NBEA: variants seen among roughly 807,000 people sequenced by gnomAD.
The protein encoded by NBEA is lysosomal-trafficking regulator 2.
A neutral mutation model predicts 343.4 loss-of-function variants in NBEA; 44 were observed. That is an observed-to-expected ratio of 0.13 (90% CI 0.10 to 0.16). The LOEUF is 0.16. Ranked by LOEUF, NBEA falls within the 10% of genes least tolerant of loss-of-function variation. NBEA has a pLI of 1.00. For synonymous variants in NBEA, 1,175 were observed against 1,238.7 expected (o/e 0.95, Z 1.08); for missense variants, 2,555 against 3,631.3 (o/e 0.70, Z 7.62).
At chr13:35,583,829 T>C (rs888692531) in intron 45 of NBEA, 69 bp from the exon 46 acceptor site, 3 of 1,136,662 alleles carry the variant, frequency 2.6e-6, no homozygotes, top group African/African-American at 3.2e-5. Context: ...ATACTGAAAG[T>C]ATAAAGATTT....
intron 1 of NBEA, among the ~76,000 whole-genome samples, chr13:35,007,243 A>G (rs1469314180): frequency 6.6e-6 from 1 of 152,110 alleles, no homozygotes; most frequent in Admixed American, 6.5e-5. Context: ...AATTATAGGT[A>G]TGATAGCCCT....
chr13:35,660,400 T>C (rs1406119779), intron 55 of NBEA, among the ~76,000 whole-genome samples: 1 of 152,272 alleles, frequency 6.6e-6, no homozygotes, highest in Admixed American at 6.5e-5. Context: ...GTTCATCTTT[T>C]CAACTCAAAT....
At chr13:35,451,947 A>G in intron 39 of NBEA, 145 bp from the exon 40 acceptor site, 2 of 653,966 alleles carry the variant, frequency 3.1e-6, no homozygotes, top group Non-Finnish European at 5.2e-6. Flanking sequence ...ACCAAACAAG[A>G]TAAAGAAGGT....
intron 47 of NBEA, among the ~76,000 whole-genome samples, chr13:35,601,618 C>T (rs150362152): frequency 6.6e-6 from 1 of 151,720 alleles, no homozygotes; most frequent in Non-Finnish European, 1.5e-5. Context: ...AAAAATTAGC[C>T]AGGTGTGGTG....
chr13:35,433,541 T>C (rs2045249762), intron 39 of NBEA, among the ~76,000 whole-genome samples: 1 of 152,056 alleles, frequency 6.6e-6, no homozygotes, highest in African/African-American at 2.4e-5. Flanking sequence ...GTAAAGCTTT[T>C]AAAATTTCTT....
chr13:35,299,680 AG>A (rs2036400728), intron 35 of NBEA, among the ~76,000 whole-genome samples: 1 of 152,166 alleles, frequency 6.6e-6, no homozygotes, highest in Admixed American at 6.5e-5. Flanking sequence ...TGAAAATAAA[AG>A]GTTGTTCATT....
chr13:35,340,304 T>G (rs2039514904), intron 36 of NBEA, among the ~76,000 whole-genome samples: 1 of 152,070 alleles, frequency 6.6e-6, no homozygotes, highest in Non-Finnish European at 1.5e-5. Context: ...TAAAAAGGAA[T>G]GAAATTCTAA....
At chr13:35,307,197 AT>A (rs2036948719) in intron 35 of NBEA, among the ~76,000 whole-genome samples, 1 of 151,798 alleles carries the variant, frequency 6.6e-6, no homozygotes, top group Non-Finnish European at 1.5e-5. Flanking sequence ...AACATCTCTT[AT>A]TTTTTATTCC....
At chr13:35,109,878 TAAC>T (rs1301096911) in intron 12 of NBEA, among the ~76,000 whole-genome samples, 5 of 151,826 alleles carry the variant, frequency 3.3e-5, no homozygotes, top group South Asian at 2.1e-4. Flanking sequence ...TTCCAGATAA[TAAC>T]AGAAAATTCT....
chr13:35,639,546 G>C (rs1377503641), intron 49 of NBEA, among the ~76,000 whole-genome samples: 1 of 151,828 alleles, frequency 6.6e-6, no homozygotes, highest in African/African-American at 2.4e-5. Context: ...TTTTTATTTT[G>C]TGTCAAGCTT....
At chr13:35,662,123 AT>A (rs1293559116) in intron 55 of NBEA, among the ~76,000 whole-genome samples, 1 of 152,200 alleles carries the variant, frequency 6.6e-6, no homozygotes, top group African/African-American at 2.4e-5. Flanking sequence ...ATACTAGTAT[AT>A]TTTTTTATCA....
chr13:35,407,185 G>A (rs1250126436), intron 38 of NBEA, among the ~76,000 whole-genome samples: 1 of 151,030 alleles, frequency 6.6e-6, no homozygotes, highest in East Asian at 2.0e-4. Flanking sequence ...GGCTGGTCTC[G>A]AACTCCTGAC....
intron 1 of NBEA, among the ~76,000 whole-genome samples, chr13:34,983,292 C>T (rs557977310): frequency 8.5e-5 from 13 of 152,208 alleles, no homozygotes; most frequent in Non-Finnish European, 1.8e-4. Flanking sequence ...TCTGTCCTTG[C>T]GATAGTTTGC....
chr13:35,093,782 C>T (rs759347307), intron 10 of NBEA, among the ~76,000 whole-genome samples: 2 of 151,992 alleles, frequency 1.3e-5, no homozygotes, highest in African/African-American at 4.8e-5. Flanking sequence ...ACGTCCAGGA[C>T]GTTTTCATAA....
At chr13:35,469,321 T>C (rs562483256) in intron 40 of NBEA, among the ~76,000 whole-genome samples, 1 of 152,250 alleles carries the variant, frequency 6.6e-6, no homozygotes, top group Admixed American at 6.5e-5. Context: ...TCTCAATTGG[T>C]TAAAGATCTT....
At chr13:35,544,853 T>C (rs1315189444) in intron 41 of NBEA, among the ~76,000 whole-genome samples, 1 of 152,220 alleles carries the variant, frequency 6.6e-6, no homozygotes, top group East Asian at 1.9e-4. Flanking sequence ...GTATCAAAAA[T>C]TATGTTTATT....
rs930767245 is a variant in NBEA, at chr13:35,631,535, C to G, written c.7617+3287C>G. On this transcript the variant is annotated intron_variant, in intron 49 of 58. Coordinates refer to ENST00000379939, the MANE Select transcript of NBEA (RefSeq NM_001385012.1). ...CAAAGGAAGGCTAATTATGGCTACA[C>G]TAAACTCCATCTAGCCTAAGATGGA... 4.7e-5 allele frequency among the ~76,000 whole-genome samples: 7 copies of G among 150,366 alleles called. 1 individual carries two copies. Among genetic ancestry groups the G allele is most frequent in the African/African-American group, 1.7e-4 (7 of 40,886 alleles).
At chr13:35,055,909 C>A (rs2063240910) in intron 6 of NBEA, 101 bp from the exon 7 acceptor site, 1 of 890,084 alleles carries the variant, frequency 1.1e-6, no homozygotes, top group Non-Finnish European at 1.6e-6. Flanking sequence ...CTTAATAGTC[C>A]TGTCAGCATA....
chr13:35,613,416 TA>T (rs937592908), intron 48 of NBEA, among the ~76,000 whole-genome samples: 1 of 152,020 alleles, frequency 6.6e-6, no homozygotes, highest in African/African-American at 2.4e-5. Context: ...TTTCATTGTT[TA>T]TATATACCAT....
Sources: allele counts gnomAD v4.1 joint callset (sites outside exome capture counted in the v4.1 genomes callset), GRCh38; gene constraint gnomAD v4.1.1; transcripts MANE v1.5; gene names NCBI Gene and HGNC (gene_info 2026-07-23, HGNC 2026-07-21).